The following PKHD1 variants were observed in gnomAD, a reference collection of about 807,000 sequenced individuals.
The protein encoded by PKHD1 is fibrocystin.
A neutral mutation model predicts 412.0 loss-of-function variants in PKHD1; 291 were observed. The ratio of observed to expected loss-of-function variants is 0.71; its 90% confidence interval spans 0.64 to 0.78. PKHD1 has a LOEUF of 0.78. Ranked by LOEUF, PKHD1 falls within the 30% of genes least tolerant of loss-of-function variation. PKHD1 has a pLI of 0.00. For missense variants in PKHD1, 4,825 were observed against 4,950.7 expected (o/e 0.97, Z 0.76); for synonymous variants, 1,777 against 1,821.5 (o/e 0.98, Z 0.62).
chr6:51,791,259 A>G lies in PKHD1; in HGVS notation c.8417T>C (p.Ile2806Thr), dbSNP rs765854889. The stretch of plus-strand genomic sequence containing the variant: ...ACCAACTTTCAGCTCCCCGCCTGCA[A>G]TGACCATGCATGCCACACTCAGAAC... ...SNVLSVACMV[I>T]AGGELKVGTL... is the part of the protein sequence containing the mutation. Residue 2806 changes from isoleucine to threonine, a missense_variant, in exon 53 of 67, where the codon ATT becomes ACT. Transcript: ENST00000371117. 1.9e-6 allele frequency: 3 copies of G among 1,613,968 alleles called. No homozygotes were observed. Among genetic ancestry groups the G allele is most frequent in the Non-Finnish European group, 2.5e-6 (3 of 1,179,872 alleles).
chr6:51,816,515 A>G (rs934159839), intron 52 of PKHD1, among the ~76,000 whole-genome samples: 1 of 152,248 alleles, frequency 6.6e-6, no homozygotes, highest in African/African-American at 2.4e-5. Context: ...CACCTGTTAA[A>G]TGAAGTTTAG....
At chr6:52,069,763 A>G (rs910716140) in intron 10 of PKHD1, among the ~76,000 whole-genome samples, 1 of 152,208 alleles carries the variant, frequency 6.6e-6, no homozygotes, top group Non-Finnish European at 1.5e-5. Context: ...CAAATGTTCA[A>G]TGAAATGATG....
At chr6:51,975,863 A>C (rs1397528389) in intron 35 of PKHD1, 1 of 149,744 alleles carries the variant, frequency 6.7e-6, no homozygotes, top group African/African-American at 2.5e-5. Flanking sequence ...GAAAAAGAGC[A>C]GGTCACAACT....
At chr6:51,670,924 G>A (rs1774841828) in intron 60 of PKHD1, among the ~76,000 whole-genome samples, 1 of 152,054 alleles carries the variant, frequency 6.6e-6, no homozygotes, top group Non-Finnish European at 1.5e-5. Context: ...TCTGCTGGTA[G>A]TCTGATGGGC....
At chr6:51,629,923 G>T (rs1341550276) in intron 65 of PKHD1, among the ~76,000 whole-genome samples, 1 of 151,846 alleles carries the variant, frequency 6.6e-6, no homozygotes, top group Non-Finnish European at 1.5e-5. Context: ...GGGAAACTTG[G>T]AATTTGGGAA....
Position 51,830,955 on chromosome 6 carries a change from C to T in PKHD1, c.8208G>A (p.Trp2736Ter), listed in dbSNP as rs2151512054. The change falls in exon 52 of 67, where the codon TGG becomes TGA. Residue 2736 changes from tryptophan to a stop codon, truncating the protein, a stop_gained. Coordinates refer to ENST00000371117, the MANE Select transcript of PKHD1 (RefSeq NM_138694.4). LOFTEE classifies it high-confidence loss of function. ...CACCTTGCCATGTTTCAGGGAGGGA[C>T]CATTTTAAAGCTGATTCAGGGGCAG... ...STSAPESALKWSLPETWQGVE... is the reference protein window; with the variant it reads ...STSAPESALK The T allele has an allele frequency of 6.2e-7, 1 of 1,611,946 alleles. No homozygotes were observed. Among genetic ancestry groups the T allele is most frequent in the Non-Finnish European group, 8.5e-7 (1 of 1,178,482 alleles).
intron 31 of PKHD1, among the ~76,000 whole-genome samples, chr6:52,026,802 C>T (rs1802262312): frequency 6.6e-6 from 1 of 152,162 alleles, no homozygotes; most frequent in African/African-American, 2.4e-5. Context: ...GCCTTACTCT[C>T]CAGTAGAGAG....
rs1274842287 is a variant in PKHD1 at position 51,911,947 on chromosome 6, G to A, written c.6342C>T (p.His2114=). Residue 2114 remains histidine (H), a synonymous_variant, in exon 39 of 67, where the codon CAC becomes CAT. Coordinates refer to ENST00000371117, the MANE Select transcript of PKHD1 (RefSeq NM_138694.4). ...LYLKSPLRYS[H]NFTENWVAGE... is the part of the protein sequence containing the mutation. ...CAGCCACCCAATTCTCTGTAAAGTT[G>A]TGAGAATATCTGGAGAAAAAAAGAG... 6.2e-7 allele frequency: 1 copy of A among 1,610,110 alleles called. No homozygotes were observed. The highest frequency in any genetic ancestry group is 1.7e-5 in the Admixed American group (1 of 59,820).
chr6:51,978,118 T>G (rs980373192), intron 35 of PKHD1, among the ~76,000 whole-genome samples: 1 of 152,080 alleles, frequency 6.6e-6, no homozygotes, highest in African/African-American at 2.4e-5. Flanking sequence ...CCTTTGGCCC[T>G]ACTCATCTCT....
chr6:51,902,823 G>A (rs1026798740), intron 43 of PKHD1, among the ~76,000 whole-genome samples: 2 of 152,154 alleles, frequency 1.3e-5, no homozygotes, highest in Non-Finnish European at 2.9e-5. Context: ...AAACAGAAAT[G>A]TGCCAAGGGA....
chr6:51,774,110 C>A (rs1368073166), intron 54 of PKHD1, among the ~76,000 whole-genome samples: 3 of 151,866 alleles, frequency 2.0e-5, no homozygotes, highest in Non-Finnish European at 4.4e-5. Flanking sequence ...AAAAGCAGTT[C>A]ATGTCCTTAA....
chr6:51,766,325 C>A (rs1451349350), intron 55 of PKHD1, among the ~76,000 whole-genome samples: 2 of 152,070 alleles, frequency 1.3e-5, no homozygotes, highest in Non-Finnish European at 2.9e-5. Context: ...CCAGGGATTT[C>A]CCTATTATGT....
intron 52 of PKHD1, among the ~76,000 whole-genome samples, chr6:51,817,274 T>G (rs1765617792): frequency 6.6e-6 from 1 of 152,134 alleles, no homozygotes; most frequent in Admixed American, 6.5e-5. Flanking sequence ...TAAACCCTAT[T>G]CACAAAATGT....
intron 52 of PKHD1, among the ~76,000 whole-genome samples, chr6:51,815,492 G>A (rs1470321517): frequency 6.6e-6 from 1 of 152,088 alleles, no homozygotes; most frequent in Non-Finnish European, 1.5e-5. Flanking sequence ...GGAAAGAAAG[G>A]AGAAGTGGAA....
At chr6:51,915,454 A>C (rs1783621837) in intron 37 of PKHD1, among the ~76,000 whole-genome samples, 2 of 152,112 alleles carry the variant, frequency 1.3e-5, no homozygotes, top group South Asian at 2.1e-4. Flanking sequence ...ACCTATGTTC[A>C]TTCACCGTCA....
chr6:52,028,165 T>G lies in PKHD1; in HGVS notation c.3551A>C (p.His1184Pro). 6.2e-7 allele frequency: 1 copy of G among 1,614,056 alleles called. No individual in the cohort carries two copies. Among genetic ancestry groups the G allele is most frequent in the Non-Finnish European group, 8.5e-7 (1 of 1,179,924 alleles). ...ISVSINGVSI[H>P]SQGVDLHIQY... Reference sequence around the variant, plus strand: ...CAAGTGGTCACCTCACCCTTGTGAGTGAATGCTGACCCCATTGATAGAGAC... The same window carrying G: ...CAAGTGGTCACCTCACCCTTGTGAGGGAATGCTGACCCCATTGATAGAGAC... Residue 1184 changes from histidine to proline, a missense_variant, in exon 30 of 67, where the codon CAC (histidine) becomes CCC (proline). Physicochemically the swap from His to Pro is moderately conservative, Grantham distance 77. Coordinates refer to ENST00000371117, the MANE Select transcript of PKHD1 (RefSeq NM_138694.4).
chr6:51,958,298 C>T (rs1015271543), intron 36 of PKHD1, among the ~76,000 whole-genome samples: 7 of 152,058 alleles, frequency 4.6e-5, no homozygotes, highest in African/African-American at 1.4e-4. Flanking sequence ...CTTTCCAAAC[C>T]TAACTCACTT....
chr6:51,918,182 C>CAT (rs3062528), intron 37 of PKHD1, among the ~76,000 whole-genome samples: 73,372 of 150,556 alleles, frequency 0.49, 19,498 homozygotes, highest in East Asian at 0.87. Flanking sequence ...CAAATATATA[C>CAT]ATATATATAT....
At chr6:51,721,011 T>C (rs1431986290) in intron 60 of PKHD1, 2 of 983,180 alleles carry the variant, frequency 2.0e-6, no homozygotes, top group East Asian at 1.1e-4. Context: ...AGAAAGGAAA[T>C]GATAACATGG....
Sources: gnomAD v4.1 joint callset for allele counts (sites outside exome capture counted in the v4.1 genomes callset) on GRCh38, gnomAD v4.1.1 for gene constraint, MANE v1.5 for transcripts, NCBI Gene and HGNC (gene_info 2026-07-23, HGNC 2026-07-21) for gene names.